Variants in CPHXL observed in about 807,000 individuals in gnomAD.
CPHXL encodes cytoplasmic polyadenylated homeobox-like protein.
At chr16:75,725,114 C>T (rs1426172766) in intron 1 of CPHXL, among the ~76,000 whole-genome samples, 5 of 148,792 alleles carry the variant, frequency 3.4e-5, no homozygotes, top group African/African-American at 1.0e-4. Flanking sequence ...ATCACACACC[C>T]GGGCCTGTTG....
At chr16:75,723,600 G>T (rs1410373782) in intron 1 of CPHXL, among the ~76,000 whole-genome samples, 2 of 152,152 alleles carry the variant, frequency 1.3e-5, no homozygotes, top group African/African-American at 4.8e-5. Context: ...TGAAATAAAA[G>T]AGGATACAAA....
intron 1 of CPHXL, among the ~76,000 whole-genome samples, chr16:75,721,716 T>A (rs1959479859): frequency 6.6e-6 from 1 of 152,164 alleles, no homozygotes; most frequent in Non-Finnish European, 1.5e-5. Flanking sequence ...TTAACAAGGA[T>A]ATCCAAGAAT....
chr16:75,719,548 C>T (rs943994754), intron 1 of CPHXL, among the ~76,000 whole-genome samples: 6 of 151,920 alleles, frequency 3.9e-5, no homozygotes, highest in South Asian at 4.2e-4. Context: ...TGGCAGCGAG[C>T]CTGGAGGAGG....
intron 1 of CPHXL, among the ~76,000 whole-genome samples, chr16:75,723,201 T>A (rs1291975225): frequency 2.0e-5 from 3 of 152,222 alleles, no homozygotes; most frequent in Non-Finnish European, 4.4e-5. Context: ...AAGACAGGGA[T>A]GCCCTCTCTC....
At chr16:75,726,373 G>C in intron 1 of CPHXL, 45 bp downstream of exon 1, 1 of 398,574 alleles carries the variant, frequency 2.5e-6, no homozygotes, top group Non-Finnish European at 4.4e-6. Flanking sequence ...TTGAGAAAAA[G>C]CAAGGGAAGT....
rs941470941 is a variant in CPHXL, at chr16:75,718,389, C to T, written c.95G>A (p.Arg32Gln). The T allele has an allele frequency of 3.5e-5, 14 of 398,510 alleles. No individual in the cohort carries two copies. The highest frequency in any genetic ancestry group is 6.2e-5 in the Non-Finnish European group (14 of 226,162). The allele number at this position is 398,510 out of a possible 1,614,324, so 24.7% of individuals were successfully genotyped here. Residue 32 changes from arginine to glutamine, a missense_variant, in exon 2 of 3, where the codon CGA becomes CAA. Arg to Gln is a conservative substitution (Grantham distance 43). Transcript: ENST00000640559. Reference protein sequence around the residue: ...QTKNKRKTKHRHKFSEELLQE... With the variant: ...QTKNKRKTKHQHKFSEELLQE... ...CAGTAATTCTTCAGAAAATTTATGT[C>T]GGTGTTTTGTTTTTCTTTTATTCTT...
Position 75,714,751 on chromosome 16 carries a change from C to T in CPHXL, c.691G>A (p.Gly231Arg), listed in dbSNP as rs1173986591. ...AMGYGGDTGS[G>R]HSGSGHSTAY... is the part of the protein sequence containing the mutation. ...GTAGAATGCCCACTTCCAGAATGCC[C>T]ACTTCCTGTGTCACCTCCATACCCC... Residue 231 changes from glycine (G) to arginine (R), a missense_variant, in exon 3 of 3, where the codon GGG becomes AGG. Gly to Arg is a moderately radical substitution (Grantham distance 125). Transcript: ENST00000640559. The T allele has an allele frequency of 2.5e-6, 1 of 398,512 alleles. No homozygotes were observed. Among genetic ancestry groups the T allele is most frequent in the African/African-American group, 2.1e-5 (1 of 48,614 alleles). The allele number at this position is 398,512 out of a possible 1,614,324, so 24.7% of individuals were successfully genotyped here.
At chr16:75,725,081 C>A (rs1959535309) in intron 1 of CPHXL, among the ~76,000 whole-genome samples, 1 of 150,846 alleles carries the variant, frequency 6.6e-6, no homozygotes, top group Non-Finnish European at 1.5e-5. Context: ...ACAGTGAGAA[C>A]ACATGGACAC....
chr16:75,718,764 G>A (rs1159136321), intron 1 of CPHXL, among the ~76,000 whole-genome samples: 3 of 152,248 alleles, frequency 2.0e-5, no homozygotes, highest in African/African-American at 7.2e-5. Flanking sequence ...AGCAGGCTTA[G>A]TAGTTGAGGC....
rs140018062 is a variant in CPHXL at position 75,718,569 on chromosome 16, T to C, written c.26-111A>G. On this transcript the variant is annotated intron_variant, in intron 1 of 2. Coordinates refer to ENST00000640559, the MANE Select transcript of CPHXL (RefSeq NM_001355613.1). Reference sequence around the variant, plus strand: ...CATAGATTCCCTCCCCTTCCCAAGATGAAATCCACGTGTGACCTCATAGCT... The same window carrying C: ...CATAGATTCCCTCCCCTTCCCAAGACGAAATCCACGTGTGACCTCATAGCT... 8.0e-3 allele frequency: 3,152 copies of C among 395,786 alleles called. 12 individuals carry two copies. The highest frequency in any genetic ancestry group is 0.011 in the Non-Finnish European group (2,512 of 224,632). The allele number at this position is 395,786 out of a possible 1,614,324, so 24.5% of individuals were successfully genotyped here. A position where few individuals can be genotyped will look rare whatever the true frequency, so the allele number is the denominator to read the frequency against.
At chr16:75,722,987 C>A (rs1234732449) in intron 1 of CPHXL, among the ~76,000 whole-genome samples, 1 of 152,268 alleles carries the variant, frequency 6.6e-6, no homozygotes, top group East Asian at 1.9e-4. Context: ...TAAACAGAAC[C>A]AATGACAAAA....
intron 2 of CPHXL, among the ~76,000 whole-genome samples, chr16:75,717,834 T>C (rs539351501): frequency 5.3e-5 from 8 of 152,320 alleles, no homozygotes; most frequent in East Asian, 3.9e-4. Flanking sequence ...TATATACATA[T>C]GTATTTTGAT....
chr16:75,720,367 T>G lies in CPHXL; in HGVS notation c.26-1909A>C, dbSNP rs570735021. 1.7e-4 allele frequency among the ~76,000 whole-genome samples: 26 copies of G among 151,864 alleles called. No individual in the cohort carries two copies. In the South Asian group the frequency reaches 4.6e-3, roughly 27 times the overall value. ...TTAAAAACCTTGAAAAAAAATTAGA[T>G]GAATGGCTAAGTAGAATAACCAAAG... is the stretch of plus-strand genomic sequence containing the variant. On this transcript the variant is annotated intron_variant, in intron 1 of 2. Coordinates refer to ENST00000640559, the MANE Select transcript of CPHXL (RefSeq NM_001355613.1).
chr16:75,715,441 C>G lies in CPHXL; in HGVS notation c.220-219G>C, dbSNP rs140048434. ...CATTGCGCATTTCTAGAACCATAAC[C>G]TCCTTCACTGGAGACATTGACACCA... On this transcript the variant is annotated intron_variant, in intron 2 of 2. Coordinates refer to ENST00000640559, the MANE Select transcript of CPHXL (RefSeq NM_001355613.1). Among the ~76,000 whole-genome samples the G allele has an allele frequency of 3.3e-4, 51 of 152,252 alleles. No individual in the cohort carries two copies. The East Asian group carries it at 9.5e-3, about 28-fold the overall frequency.
rs146889246 is a variant in CPHXL, at chr16:75,715,627, C to T, written c.220-405G>A. Among the ~76,000 whole-genome samples the T allele has an allele frequency of 5.3e-4, 81 of 152,292 alleles. 2 individuals are homozygous for T. The East Asian group carries it at 0.015, about 28-fold the overall frequency. On this transcript the variant is annotated intron_variant, in intron 2 of 2. Transcript: ENST00000640559. ...ATGCATAGTTCACACAACCCTGCTACTTTACTCATACTCTCCCGCCAAGGA... is the reference window on the plus strand; with the variant it reads ...ATGCATAGTTCACACAACCCTGCTATTTTACTCATACTCTCCCGCCAAGGA...
intron 1 of CPHXL, among the ~76,000 whole-genome samples, chr16:75,720,784 T>C (rs887780513): frequency 6.6e-6 from 1 of 151,810 alleles, no homozygotes; most frequent in African/African-American, 2.4e-5. Flanking sequence ...GAAGAGCAAC[T>C]CCAAGACACA....
At chr16:75,717,529 A>G (rs1959409816) in intron 2 of CPHXL, among the ~76,000 whole-genome samples, 1 of 152,212 alleles carries the variant, frequency 6.6e-6, no homozygotes, top group Admixed American at 6.5e-5. Flanking sequence ...GATACCTAAT[A>G]TAACACAAAT....
intron 1 of CPHXL, among the ~76,000 whole-genome samples, chr16:75,719,222 G>A (rs570899602): frequency 7.2e-5 from 11 of 152,330 alleles, no homozygotes; most frequent in Non-Finnish European, 1.3e-4. Context: ...TGAGGTACTG[G>A]GTTCATCTCA....
chr16:75,720,755 C>T (rs993387107), intron 1 of CPHXL, among the ~76,000 whole-genome samples: 2 of 151,436 alleles, frequency 1.3e-5, no homozygotes, highest in African/African-American at 4.9e-5. Context: ...ACAGAGAACA[C>T]CACAAAGATA....
Sources: allele counts gnomAD v4.1 joint callset (sites outside exome capture counted in the v4.1 genomes callset), GRCh38; gene constraint gnomAD v4.1.1; transcripts MANE v1.5; gene names NCBI Gene and HGNC (gene_info 2026-07-23, HGNC 2026-07-21).